Variants in CTF1 observed in about 807,000 individuals in gnomAD.
CTF1 encodes cardiotrophin 1, also known as cardiotrophin-1.
A neutral mutation model predicts 10.9 loss-of-function variants in CTF1; 9 were observed. The ratio of observed to expected loss-of-function variants is 0.83; its 90% CI spans 0.50 to 1.44. The LOEUF (loss-of-function observed/expected upper bound fraction) is 1.44. CTF1 is among the 40% of genes most tolerant of loss of function. CTF1 has a pLI of 0.00. For missense variants in CTF1, 259 were observed against 275.3 expected, an observed-to-expected ratio of 0.94 and a Z score of 0.42; for synonymous variants, 133 against 138.8, an observed-to-expected ratio of 0.96 and a Z score of 0.29.
rs749244473 is a variant in CTF1, at chr16:30,899,401, C to T, written c.26-14C>T. 3.2e-6 allele frequency: 5 copies of T among 1,547,778 alleles called. No individual in the cohort carries two copies. The highest frequency in any genetic ancestry group is 2.7e-5 in the African/African-American group (2 of 73,408). On this transcript the variant is annotated splice_polypyrimidine_tract_variant and intron_variant, in intron 1 of 2. Coordinates refer to ENST00000279804, the MANE Select transcript of CTF1 (RefSeq NM_001330.5). ...GAGGTTGGCCATCCTCATTCCTCCC[C>T]CCTTTCCCACCAGAAGACCCCCAGA...
rs769217611 is a variant in CTF1, at chr16:30,902,376, G to T, written c.443G>T (p.Arg148Leu). The T allele has an allele frequency of 2.5e-5, 30 of 1,199,900 alleles. 1 individual carries two copies. In the South Asian group the frequency reaches 1.0e-3, roughly 40 times the overall value. 74.3% of individuals were successfully genotyped at this position (1,199,900 alleles called of 1,614,324 possible). The change falls in exon 3 of 3, where the codon CGC (arginine) becomes CTC (leucine). Residue 148 changes from arginine (R) to leucine (L), a missense_variant. Arg to Leu is a moderately radical substitution (Grantham distance 102). Transcript: ENST00000279804. ...ALLAALGAANRGPRAEPPAAT... is the reference protein window; with the variant it reads ...ALLAALGAANLGPRAEPPAAT... ...CTGGCCGCGCTGGGCGCCGCCAACC[G>T]CGGGCCCCGGGCCGAGCCCCCCGCC...
chr16:30,902,743 C>T lies in CTF1; in HGVS notation c.*204C>T, dbSNP rs1021317647. The T allele has an allele frequency of 7.4e-6, 5 of 674,374 alleles. No homozygotes were observed. The highest frequency in any genetic ancestry group is 1.1e-5 in the Non-Finnish European group (5 of 469,578). The allele number at this position is 674,374 out of a possible 1,614,324, so 41.8% of individuals were successfully genotyped here. On this transcript the variant is annotated 3_prime_UTR_variant, in exon 3 of 3. Coordinates refer to ENST00000279804, the MANE Select transcript of CTF1 (RefSeq NM_001330.5). ...AGGCTGGGGTGCAGTGGCGCGATCC[C>T]AGCACTGCAGCCTCAACCTCCTGGG...
intron 2 of CTF1, among the ~76,000 whole-genome samples, chr16:30,901,164 A>G (rs1259628919): frequency 6.6e-6 from 1 of 152,138 alleles, no homozygotes; most frequent in Non-Finnish European, 1.5e-5. Context: ...GAGTGCCTGG[A>G]TTACAGGCGT....
Position 30,902,468 on chromosome 16 carries a change from G to A in CTF1, c.535G>A (p.Gly179Ser), listed in dbSNP as rs1313029155. Reference sequence around the variant, plus strand: ...CAAGGTGCTGGGGCTCCGCGTTTGCGGCCTCTACCGCGAGTGGCTGAGCCG... The same window carrying A: ...CAAGGTGCTGGGGCTCCGCGTTTGCAGCCTCTACCGCGAGTGGCTGAGCCG... ...PAKVLGLRVC[G>S]LYREWLSRTE... The change falls in exon 3 of 3, where the codon GGC (glycine) becomes AGC (serine). Residue 179 changes from glycine (G) to serine (S), a missense_variant. Gly to Ser is a moderately conservative substitution (Grantham distance 56). Transcript: ENST00000279804. The A allele has an allele frequency of 1.4e-6, 2 of 1,474,566 alleles. No homozygotes were observed. The highest frequency in any genetic ancestry group is 2.9e-5 in the East Asian group (1 of 34,144). The allele number at this position is 1,474,566 out of a possible 1,614,324, so 91.3% of individuals were successfully genotyped here.
chr16:30,902,333 G>A lies in CTF1; in HGVS notation c.400G>A (p.Ala134Thr). Residue 134 changes from alanine to threonine, a missense_variant, in exon 3 of 3, where the codon GCC becomes ACC. Physicochemically the swap from Ala to Thr is moderately conservative, Grantham distance 58. Coordinates refer to ENST00000279804, the MANE Select transcript of CTF1 (RefSeq NM_001330.5). ...GGCGCGCCAGGCCCGGGCCCTGGGC[G>A]CCGCCGTGGAGGCCTTGCTGGCCGC... ...DAARQARALG[A>T]AVEALLAALG... is the part of the protein sequence containing the mutation. 9.5e-7 allele frequency: 1 copy of A among 1,048,276 alleles called. No homozygotes were observed. 64.9% of individuals were successfully genotyped at this position (1,048,276 alleles called of 1,614,324 possible).
At position 30,902,395 on chromosome 16, in the gene CTF1, C is replaced by G. The variant is rs1330047454; in HGVS notation, c.462C>G (p.Pro154=). The G allele has an allele frequency of 7.9e-7, 1 of 1,258,482 alleles. No homozygotes were observed. The highest frequency in any genetic ancestry group is 1.0e-6 in the Non-Finnish European group (1 of 1,001,838). 78.0% of individuals were successfully genotyped at this position (1,258,482 alleles called of 1,614,324 possible). A position where few individuals can be genotyped will look rare whatever the true frequency, so the allele number is the denominator to read the frequency against. ...GAANRGPRAE[P]PAATASAASA... ...CCAACCGCGGGCCCCGGGCCGAGCC[C>G]CCCGCCGCCACCGCCTCAGCCGCCT... The change falls in exon 3 of 3, where the codon CCC becomes CCG. Residue 154 remains proline (P), a synonymous_variant. Coordinates refer to ENST00000279804, the MANE Select transcript of CTF1 (RefSeq NM_001330.5).
chr16:30,898,934 C>T (rs984670624), intron 1 of CTF1, among the ~76,000 whole-genome samples: 7 of 152,192 alleles, frequency 4.6e-5, no homozygotes, highest in African/African-American at 1.7e-4. Flanking sequence ...GCTAAGATTA[C>T]AGACATCAGC....
In CTF1 at chr16:30,902,120, C is replaced by T. The variant is rs1479354922; in HGVS notation, c.187C>T (p.Pro63Ser). 7.1e-7 allele frequency: 1 copy of T among 1,414,836 alleles called. No individual in the cohort carries two copies. The highest frequency in any genetic ancestry group is 1.5e-5 in the African/African-American group (1 of 67,672). 87.6% of individuals were successfully genotyped at this position (1,414,836 alleles called of 1,614,324 possible). A position where few individuals can be genotyped will look rare whatever the true frequency, so the allele number is the denominator to read the frequency against. ...CCCCTTCGGGCTGCCCAGCTTCTCG[C>T]CGCCGCGGCTGCCGGTGGCCGGCCT... The part of the protein sequence containing the change: ...GDPFGLPSFS[P>S]PRLPVAGLSA... Residue 63 changes from proline to serine, a missense_variant, in exon 3 of 3, where the codon CCG (proline) becomes TCG (serine). By Grantham distance (74) the Pro-to-Ser change is moderately conservative. Coordinates refer to ENST00000279804, the MANE Select transcript of CTF1 (RefSeq NM_001330.5).
intron 2 of CTF1, 151 bp from the exon 3 acceptor site, chr16:30,901,927 T>G: frequency 3.1e-6 from 2 of 639,306 alleles, no homozygotes; most frequent in East Asian, 4.2e-5. Flanking sequence ...TGCCACTTTG[T>G]TTTGCCTTAA....
At chr16:30,896,551 T>C, upstream of CTF1, 1 of 1,152,016 alleles carries the variant, frequency 8.7e-7, no homozygotes, top group Non-Finnish European at 1.1e-6. Flanking sequence ...TGGGCTCTGA[T>C]TGGCTGCGCC....
intron 2 of CTF1, among the ~76,000 whole-genome samples, chr16:30,900,657 C>T (rs1032438513): frequency 1.3e-5 from 2 of 151,932 alleles, no homozygotes; most frequent in Non-Finnish European, 2.9e-5. Flanking sequence ...AATAGCCAGG[C>T]GTGGTGGTGT....
At chr16:30,898,162 A>ATTTT (rs1368889898) in intron 1 of CTF1, among the ~76,000 whole-genome samples, 1 of 130,282 alleles carries the variant, frequency 7.7e-6, no homozygotes, top group Non-Finnish European at 1.6e-5. Context: ...CGCCTGGACA[A>ATTTT]TTTTTTTTTT....
At chr16:30,900,577 AAC>A (rs910042555) in intron 2 of CTF1, among the ~76,000 whole-genome samples, 1 of 152,114 alleles carries the variant, frequency 6.6e-6, no homozygotes, top group African/African-American at 2.4e-5. Context: ...CAGCCTGGGT[AAC>A]ACAGTGAGCC....
chr16:30,902,627 T>C lies in CTF1; in HGVS notation c.*88T>C. The C allele has an allele frequency of 1.0e-5, 14 of 1,396,646 alleles. No individual in the cohort carries two copies. The highest frequency in any genetic ancestry group is 1.2e-5 in the Non-Finnish European group (13 of 1,069,220). 86.5% of individuals were successfully genotyped at this position (1,396,646 alleles called of 1,614,324 possible). A position where few individuals can be genotyped will look rare whatever the true frequency, so the allele number is the denominator to read the frequency against. The stretch of plus-strand genomic sequence containing the variant: ...GTCTTTCTCTGCCGCTGTCGGTGTC[T>C]GTCTGTCTGCTCTTAGCTGTCTCCA... On this transcript the variant is annotated 3_prime_UTR_variant, in exon 3 of 3. Transcript: ENST00000279804.
At chr16:30,900,210 A>G (rs993001701) in intron 2 of CTF1, among the ~76,000 whole-genome samples, 11 of 152,222 alleles carry the variant, frequency 7.2e-5, no homozygotes, top group African/African-American at 2.7e-4. Flanking sequence ...AGAGGTTCCA[A>G]TCTGGAGCAA....
intron 2 of CTF1, among the ~76,000 whole-genome samples, chr16:30,899,790 C>T (rs924890994): frequency 2.0e-5 from 3 of 152,108 alleles, no homozygotes; most frequent in Admixed American, 1.3e-4. Context: ...CTCGCTCTGT[C>T]GCCCAGGCTG....
At chr16:30,900,611 G>T (rs761531060) in intron 2 of CTF1, among the ~76,000 whole-genome samples, 25 of 151,886 alleles carry the variant, frequency 1.6e-4, no homozygotes, top group African/African-American at 5.3e-4. Flanking sequence ...AAAAAGAAAA[G>T]AATAAAAGAA....
rs2055409882 is a variant in CTF1 at position 30,902,338 on chromosome 16, C to G, written c.405C>G (p.Ala135=). Residue 135 remains alanine, a synonymous_variant, in exon 3 of 3, where the codon GCC becomes GCG. Transcript: ENST00000279804. ...GCCAGGCCCGGGCCCTGGGCGCCGC[C>G]GTGGAGGCCTTGCTGGCCGCGCTGG... ...AARQARALGA[A]VEALLAALGA... 1 of 1,077,016 alleles carries G rather than the reference C, an allele frequency of 9.3e-7. No individual in the cohort carries two copies. The highest frequency in any genetic ancestry group is 5.4e-5 in the Admixed American group (1 of 18,420). 66.7% of individuals were successfully genotyped at this position (1,077,016 alleles called of 1,614,324 possible).
chr16:30,898,157 G>A (rs1030900833), intron 1 of CTF1, among the ~76,000 whole-genome samples: 3 of 146,490 alleles, frequency 2.0e-5, no homozygotes, highest in African/African-American at 5.1e-5. Context: ...CACTGCGCCT[G>A]GACAATTTTT....
Sources: gnomAD v4.1 joint callset for allele counts (sites outside exome capture counted in the v4.1 genomes callset) on GRCh38, gnomAD v4.1.1 for gene constraint, MANE v1.5 for transcripts, NCBI Gene and HGNC (gene_info 2026-07-23, HGNC 2026-07-21) for gene names.